The following MRAP variants were observed in gnomAD, a reference collection of about 807,000 sequenced individuals.
MRAP encodes melanocortin-2 receptor accessory protein.
MRAP carries 8 observed loss-of-function variants against 8.7 expected under a neutral mutation model. That is an observed-to-expected ratio of 0.92 (90% CI 0.54 to 1.66). MRAP has a LOEUF of 1.66. MRAP is among the 40% of genes most tolerant of loss of function. The pLI is 0.00. For missense variants in MRAP, 237 were observed against 217.1 expected (o/e 1.09, Z -0.58); for synonymous variants, 95 against 95.5 (o/e 1.00, Z 0.03).
intron 2 of MRAP, among the ~76,000 whole-genome samples, chr21:32,309,949 T>G (rs2032517297): frequency 6.6e-6 from 1 of 151,990 alleles, no homozygotes; most frequent in Non-Finnish European, 1.5e-5. Context: ...TGTTCTTTTC[T>G]TTCAGTTTTT....
At chr21:32,305,065 T>C (rs2032382589) in intron 1 of MRAP, among the ~76,000 whole-genome samples, 1 of 145,838 alleles carries the variant, frequency 6.9e-6, no homozygotes, top group Non-Finnish European at 1.5e-5. Flanking sequence ...CTTGAACTCC[T>C]GGCCTCAAGT....
intron 2 of MRAP, chr21:32,308,392 A>G (rs1299758366): frequency 1.3e-5 from 2 of 152,714 alleles, no homozygotes; most frequent in African/African-American, 4.8e-5. Flanking sequence ...AAGAAAAAAA[A>G]AAGAAAAAAG....
Position 32,300,381 on chromosome 21 carries a change from G to A in MRAP, c.106+1304G>A, listed in dbSNP as rs971440423. Among the ~76,000 whole-genome samples, 3 of 147,634 alleles carry A rather than the reference G, an allele frequency of 2.0e-5. No homozygotes were observed. In the Admixed American group the frequency reaches 2.1e-4, roughly 10 times the overall value. ...GTCAGATGTCACACATCCTATGTCA[G>A]GGGCGTCACGCATCCTATGTCGGAT... On this transcript the variant is annotated intron_variant, in intron 1 of 2. Coordinates refer to ENST00000303645, the MANE Select transcript of MRAP (RefSeq NM_001379228.1).
At chr21:32,306,791 G>C (rs1289098333) in intron 2 of MRAP, 52 bp downstream of exon 2, 1 of 1,384,752 alleles carries the variant, frequency 7.2e-7, no homozygotes, top group Non-Finnish European at 1.0e-6. Context: ...TCTCCAGTGA[G>C]TAACAGTGCA....
Position 32,312,016 on chromosome 21 carries a change from T to C in MRAP, c.*20T>C. The C allele has an allele frequency of 4.3e-6, 7 of 1,612,746 alleles. No individual in the cohort carries two copies. Among genetic ancestry groups the C allele is most frequent in the East Asian group, 4.5e-5 (2 of 44,874 alleles). On this transcript the variant is annotated 3_prime_UTR_variant, in exon 3 of 3. Transcript: ENST00000303645. ...AGCTGATGTCAGTAAATCGTGGCCA[T>C]AGCTGAGTGAACTGGTGAAATCAAG...
At chr21:32,312,337 T>G (rs961177073), downstream of MRAP, 37 of 1,230,144 alleles carry the variant, frequency 3.0e-5, no homozygotes, top group Non-Finnish European at 3.8e-5. Flanking sequence ...CATTACTGTG[T>G]AATGCGTTAT....
chr21:32,299,121 C>A lies in MRAP; in HGVS notation c.106+44C>A, dbSNP rs769966643. The A allele has an allele frequency of 2.6e-5, 39 of 1,523,780 alleles. No individual in the cohort carries two copies. In the East Asian group the frequency reaches 8.4e-4, roughly 33 times the overall value. The allele number at this position is 1,523,780 out of a possible 1,614,324, so 94.4% of individuals were successfully genotyped here. ...AGCCGGTCAGACAGAGGCTGGGGGC[C>A]GGGGCCCAAATGACTGGGCACTCCC... On this transcript the variant is annotated intron_variant, in intron 1 of 2. Coordinates refer to ENST00000303645, the MANE Select transcript of MRAP (RefSeq NM_001379228.1).
chr21:32,311,859 T>C lies in MRAP; in HGVS notation c.382T>C (p.Ser128Pro). ...TGACCAGCCGCTACGACAGGAGAGCTCCTCCACCTTGCCCCTCGGGGGTTT... is the reference window on the plus strand; with the variant it reads ...TGACCAGCCGCTACGACAGGAGAGCCCCTCCACCTTGCCCCTCGGGGGTTT... ...GPDQPLRQES[S>P]STLPLGGFQT... Residue 128 changes from serine (S) to proline (P), a missense_variant, in exon 3 of 3, where the codon TCC (serine) becomes CCC (proline). By Grantham distance (74) the Ser-to-Pro change is moderately conservative. Coordinates refer to ENST00000303645, the MANE Select transcript of MRAP (RefSeq NM_001379228.1). The C allele has an allele frequency of 6.2e-7, 1 of 1,614,026 alleles. No homozygotes were observed. The highest frequency in any genetic ancestry group is 1.1e-5 in the South Asian group (1 of 91,074).
chr21:32,300,661 A>ATGTCGGATGTGTCACG (rs2123500438), intron 1 of MRAP, among the ~76,000 whole-genome samples: 1 of 12,666 alleles, frequency 7.9e-5, no homozygotes, highest in Admixed American at 8.8e-4. Flanking sequence ...GGGGCGTCAC[A>ATGTCGGATGTGTCACG]CGTCCTATGT....
At position 32,311,877 on chromosome 21, in the gene MRAP, G is replaced by A. The variant is rs377210171; in HGVS notation, c.400G>A (p.Gly134Arg). 26 of 1,613,932 alleles carry A rather than the reference G, an allele frequency of 1.6e-5. No individual in the cohort carries two copies. The Admixed American group carries it at 3.2e-4, about 20-fold the overall frequency. The change falls in exon 3 of 3, where the codon GGG (glycine) becomes AGG (arginine). Residue 134 changes from glycine (G) to arginine (R), a missense_variant. Coordinates refer to ENST00000303645, the MANE Select transcript of MRAP (RefSeq NM_001379228.1). ...RQESSSTLPL[G>R]GFQTHPTLLW... ...GGAGAGCTCCTCCACCTTGCCCCTC[G>A]GGGGTTTCCAGACCCACCCCACTCT...
intron 2 of MRAP, among the ~76,000 whole-genome samples, chr21:32,307,576 CAAAAA>C (rs1175455972): frequency 3.3e-5 from 2 of 60,402 alleles, no homozygotes. Flanking sequence ...GACTCCGTCT[CAAAAA>C]AAAAAAAAAA....
rs201235219 is a variant in MRAP, at chr21:32,310,658, T to G, written c.207-1026T>G. ...GGACACATTTCTTTTTTTTTTCTTT[T>G]TTTTTTTGAGACTGAGTCTTGCTCT... On this transcript the variant is annotated intron_variant, in intron 2 of 2. Coordinates refer to ENST00000303645, the MANE Select transcript of MRAP (RefSeq NM_001379228.1). Among the ~76,000 whole-genome samples the G allele has an allele frequency of 2.0e-5, 3 of 151,966 alleles. No individual in the cohort carries two copies. The East Asian group carries it at 5.8e-4, about 29-fold the overall frequency.
intron 2 of MRAP, among the ~76,000 whole-genome samples, chr21:32,293,441 G>A (rs973649158): frequency 6.6e-6 from 1 of 152,146 alleles, no homozygotes; most frequent in African/African-American, 2.4e-5. Context: ...ATGCACCCAG[G>A]TTGCAAATCT....
chr21:32,303,985 T>C (rs190872418), intron 1 of MRAP, among the ~76,000 whole-genome samples: 1 of 152,288 alleles, frequency 6.6e-6, no homozygotes, highest in East Asian at 1.9e-4. Context: ...TCTTGCTCAA[T>C]ATCTGGGGAT....
In MRAP at chr21:32,311,891, C is replaced by T. The variant is rs1379614837; in HGVS notation, c.414C>T (p.Thr138=). The change falls in exon 3 of 3, where the codon ACC becomes ACT. Residue 138 remains threonine (T), a synonymous_variant. Coordinates refer to ENST00000303645, the MANE Select transcript of MRAP (RefSeq NM_001379228.1). ...CCTTGCCCCTCGGGGGTTTCCAGAC[C>T]CACCCCACTCTCCTCTGGGAACTGA... is the stretch of plus-strand genomic sequence containing the variant. ...SSTLPLGGFQ[T]HPTLLWELTL... is the part of the protein sequence containing the mutation. 2 of 1,614,012 alleles carry T rather than the reference C, an allele frequency of 1.2e-6. No individual in the cohort carries two copies. The highest frequency in any genetic ancestry group is 1.7e-6 in the Non-Finnish European group (2 of 1,180,032).
chr21:32,313,952 C>T (rs561647681), downstream of MRAP: 16 of 153,216 alleles, frequency 1.0e-4, no homozygotes, highest in South Asian at 1.6e-3. Flanking sequence ...AACACAAAAA[C>T]CTTACAAAAA....
intron 1 of MRAP, 53 bp from the exon 2 acceptor site, chr21:32,306,587 G>C (rs1447635853): frequency 6.7e-7 from 1 of 1,488,930 alleles, no homozygotes. Flanking sequence ...GCCCCTCAGC[G>C]TTGCTTTATG....
At chr21:32,313,420 C>T (rs2032625547), downstream of MRAP, 2 of 152,222 alleles carry the variant, frequency 1.3e-5, no homozygotes, top group African/African-American at 4.8e-5. Context: ...CTGAGTCCAG[C>T]TTGGATCTAA....
chr21:32,301,169 A>G (rs1253225201), intron 1 of MRAP, among the ~76,000 whole-genome samples: 2 of 151,576 alleles, frequency 1.3e-5, no homozygotes, highest in East Asian at 3.9e-4. Context: ...TCACCGTGTT[A>G]GCCAGGATGG....
Sources: gnomAD v4.1 joint callset for allele counts (sites outside exome capture counted in the v4.1 genomes callset) on GRCh38, gnomAD v4.1.1 for gene constraint, MANE v1.5 for transcripts, NCBI Gene and HGNC (gene_info 2026-07-23, HGNC 2026-07-21) for gene names.